The following ZDHHC14 variants were observed in gnomAD, a reference collection of about 807,000 sequenced individuals.
The protein encoded by ZDHHC14 is palmitoyltransferase ZDHHC14.
A neutral mutation model predicts 47.7 loss-of-function variants in ZDHHC14; 16 were observed. The observed-to-expected ratio is 0.34, with a 90% CI of 0.23 to 0.51. The LOEUF is 0.51. Among genes scored for constraint, ZDHHC14 ranks in the 20% least tolerant of loss-of-function variants. ZDHHC14 has a pLI of 0.97. For missense variants in ZDHHC14, 515 were observed against 662.5 expected, an observed-to-expected ratio of 0.78 and a Z score of 2.44; for synonymous variants, 293 against 278.9, an observed-to-expected ratio of 1.05 and a Z score of -0.50.
At chr6:157,658,922 A>C (rs1778224966) in intron 8 of ZDHHC14, among the ~76,000 whole-genome samples, 1 of 152,228 alleles carries the variant, frequency 6.6e-6, no homozygotes, top group South Asian at 2.1e-4. Context: ...ACAATTTGCC[A>C]GGAAAGCCAT....
intron 1 of ZDHHC14, among the ~76,000 whole-genome samples, chr6:157,430,214 G>A (rs1778309997): frequency 6.6e-6 from 1 of 151,442 alleles, no homozygotes; most frequent in South Asian, 2.1e-4. Flanking sequence ...TACTCGGGAG[G>A]CTGAGGCAGG....
chr6:157,600,294 G>A (rs2114905459), intron 3 of ZDHHC14, among the ~76,000 whole-genome samples: 1 of 152,262 alleles, frequency 6.6e-6, no homozygotes, highest in East Asian at 1.9e-4. Flanking sequence ...TCATGACATG[G>A]AAGGATGTAT....
intron 2 of ZDHHC14, among the ~76,000 whole-genome samples, chr6:157,592,300 G>A (rs1490968138): frequency 6.6e-6 from 1 of 152,002 alleles, no homozygotes; most frequent in Non-Finnish European, 1.5e-5. Flanking sequence ...AAAAATTAAA[G>A]GTGCTATTGA....
intron 7 of ZDHHC14, among the ~76,000 whole-genome samples, chr6:157,651,873 C>T (rs1354196043): frequency 6.6e-6 from 1 of 152,144 alleles, no homozygotes; most frequent in African/African-American, 2.4e-5. Flanking sequence ...CGCCCGGTCC[C>T]TCAAGACATC....
intron 5 of ZDHHC14, among the ~76,000 whole-genome samples, chr6:157,633,296 C>G (rs561408649): frequency 1.3e-5 from 2 of 152,246 alleles, no homozygotes; most frequent in South Asian, 4.1e-4. Flanking sequence ...CCCTCTGTTC[C>G]GATTCTGTTG....
At chr6:157,565,836 AC>A (rs1199143445) in intron 2 of ZDHHC14, among the ~76,000 whole-genome samples, 1 of 151,462 alleles carries the variant, frequency 6.6e-6, no homozygotes, top group Non-Finnish European at 1.5e-5. Flanking sequence ...GTCCAGAGAA[AC>A]CCCTGTCCAG....
intron 2 of ZDHHC14, among the ~76,000 whole-genome samples, chr6:157,555,597 A>G (rs562328265): frequency 2.0e-5 from 3 of 152,350 alleles, no homozygotes; most frequent in African/African-American, 7.2e-5. Flanking sequence ...AGAAGAATCA[A>G]AAGAATTCCA....
In ZDHHC14 at chr6:157,394,187, C is replaced by T. The variant is rs542169954; in HGVS notation, c.245+11921C>T. Among the ~76,000 whole-genome samples, 18 of 152,328 alleles carry T rather than the reference C, an allele frequency of 1.2e-4. No individual in the cohort carries two copies. The East Asian group carries it at 1.5e-3, about 13-fold the overall frequency. On this transcript the variant is annotated intron_variant, in intron 1 of 8. Transcript: ENST00000359775. The stretch of plus-strand genomic sequence containing the variant: ...GCCTACCCACCGCCATCAGGCTGTA[C>T]GCCTCCTTTCCTTCCTTGTCTCTTA...
chr6:157,426,877 G>A (rs943727223), intron 1 of ZDHHC14, among the ~76,000 whole-genome samples: 16 of 152,256 alleles, frequency 1.1e-4, no homozygotes, highest in Admixed American at 6.5e-5. Context: ...CGTGGAAACG[G>A]AGACTTCATT....
At chr6:157,613,513 G>A (rs537815723) in intron 3 of ZDHHC14, among the ~76,000 whole-genome samples, 13 of 152,268 alleles carry the variant, frequency 8.5e-5, no homozygotes, top group African/African-American at 3.1e-4. Flanking sequence ...GTTAGCCCAG[G>A]GTGTCAGCCT....
rs971352004 is a variant in ZDHHC14 at position 157,485,778 on chromosome 6, A to G, written c.246-56807A>G. Reference sequence around the variant, plus strand: ...GTAATCCCAGCACTTCGGGAGGCCAAGGCGGGTGGATCACTTGAGGTCAGG... The same window carrying G: ...GTAATCCCAGCACTTCGGGAGGCCAGGGCGGGTGGATCACTTGAGGTCAGG... On this transcript the variant is annotated intron_variant, in intron 1 of 8. Transcript: ENST00000359775. Among the ~76,000 whole-genome samples, 20 of 152,086 alleles carry G rather than the reference A, an allele frequency of 1.3e-4. 1 individual carries two copies. Among genetic ancestry groups the G allele is most frequent in the Admixed American group, 6.5e-5 (1 of 15,276 alleles).
At chr6:157,625,161 G>A (rs1215151684) in intron 3 of ZDHHC14, among the ~76,000 whole-genome samples, 1 of 152,098 alleles carries the variant, frequency 6.6e-6, no homozygotes, top group African/African-American at 2.4e-5. Context: ...TCCAACACAC[G>A]AACTTCGGGG....
At chr6:157,484,551 A>G (rs901143416) in intron 1 of ZDHHC14, among the ~76,000 whole-genome samples, 1 of 150,632 alleles carries the variant, frequency 6.6e-6, no homozygotes, top group Non-Finnish European at 1.5e-5. Context: ...AGTTAAAAGA[A>G]AAAAAAATTC....
intron 5 of ZDHHC14, among the ~76,000 whole-genome samples, chr6:157,640,633 T>C (rs905210956): frequency 5.3e-5 from 8 of 152,096 alleles, no homozygotes; most frequent in African/African-American, 1.9e-4. Context: ...GGAGCCCAGT[T>C]CTCCCAACTA....
chr6:157,540,570 A>G (rs1395954164), intron 1 of ZDHHC14, among the ~76,000 whole-genome samples: 2 of 151,784 alleles, frequency 1.3e-5, no homozygotes, highest in African/African-American at 4.8e-5. Flanking sequence ...GAGGTGGAAC[A>G]CTCTCTCCTA....
intron 1 of ZDHHC14, among the ~76,000 whole-genome samples, chr6:157,481,996 A>G (rs987832754): frequency 2.0e-5 from 3 of 152,224 alleles, no homozygotes; most frequent in African/African-American, 7.2e-5. Flanking sequence ...CAGAGAGTAC[A>G]TCGCAATTGT....
intron 2 of ZDHHC14, among the ~76,000 whole-genome samples, chr6:157,566,777 C>T (rs573085633): frequency 6.6e-6 from 1 of 152,174 alleles, no homozygotes; most frequent in African/African-American, 2.4e-5. Context: ...TTCTTACCCA[C>T]ATTGTGTGTG....
intron 1 of ZDHHC14, among the ~76,000 whole-genome samples, chr6:157,455,401 C>T (rs150307158): frequency 0.018 from 2,693 of 152,308 alleles, 81 homozygotes; most frequent in African/African-American, 0.062. Context: ...GGAAGGGTGA[C>T]GCTGGCATGG....
intron 2 of ZDHHC14, among the ~76,000 whole-genome samples, chr6:157,548,595 C>A (rs529285803): frequency 3.3e-5 from 5 of 152,138 alleles, no homozygotes; most frequent in Admixed American, 2.6e-4. Context: ...TACAGGCATG[C>A]GCCACTATTC....
Sources: gnomAD v4.1 joint callset for allele counts (sites outside exome capture counted in the v4.1 genomes callset) on GRCh38, gnomAD v4.1.1 for gene constraint, MANE v1.5 for transcripts, NCBI Gene and HGNC (gene_info 2026-07-23, HGNC 2026-07-21) for gene names.